Variants in PRAG1 observed in about 807,000 individuals in gnomAD.
The protein encoded by PRAG1 is inactive tyrosine-protein kinase PRAG1.
A neutral mutation model predicts 95.6 loss-of-function variants in PRAG1; 110 were observed. The ratio of observed to expected loss-of-function variants is 1.15; its 90% CI spans 0.99 to 1.35. The LOEUF (loss-of-function observed/expected upper bound fraction) is 1.35. Among genes scored for constraint, PRAG1 ranks in the 40% most tolerant of loss-of-function variants. The probability of loss-of-function intolerance (pLI) is 0.00; values close to 1 mark genes in which losing one functional copy is unlikely to be tolerated. For synonymous variants in PRAG1, 1,052 were observed against 819.4 expected (o/e 1.28, Z -4.85); for missense variants, 2,554 against 1,864.7 (o/e 1.37, Z -6.81).
Position 8,376,878 on chromosome 8 carries a change from C to A in PRAG1, c.1531G>T (p.Glu511Ter), listed in dbSNP as rs760794274. 6.2e-7 allele frequency: 1 copy of A among 1,613,234 alleles called. No homozygotes were observed. Among genetic ancestry groups the A allele is most frequent in the Non-Finnish European group, 8.5e-7 (1 of 1,180,026 alleles). ...WPRGPVSQNSEVGEEETSAGQ... is the reference protein window; with the variant it reads ...WPRGPVSQNS ...GCCGAAGTCTCCTCTTCACCTACCT[C>A]GGAGTTCTGGCTCACAGGCCCTCGT... The change falls in exon 3 of 6, where the codon GAG becomes TAG. Residue 511 changes from glutamate (E) to a stop codon, truncating the protein, a stop_gained. Transcript: ENST00000615670. LOFTEE classifies it high-confidence loss of function.
chr8:8,360,250 C>T (rs1231504069), intron 3 of PRAG1, among the ~76,000 whole-genome samples: 1 of 152,186 alleles, frequency 6.6e-6, no homozygotes, highest in East Asian at 1.9e-4. Context: ...GACCTGGCCT[C>T]CCACATCTGT....
chr8:8,377,721 C>T lies in PRAG1; in HGVS notation c.688G>A (p.Glu230Lys). 2.5e-6 allele frequency: 4 copies of T among 1,613,870 alleles called. No homozygotes were observed. The highest frequency in any genetic ancestry group is 3.4e-6 in the Non-Finnish European group (4 of 1,179,946). Residue 230 changes from glutamate to lysine, a missense_variant, in exon 3 of 6, where the codon GAA becomes AAA. Glu to Lys is a moderately conservative substitution (Grantham distance 56). Coordinates refer to ENST00000615670, the MANE Select transcript of PRAG1 (RefSeq NM_001080826.3). ...GCHQGPGPLR[E>K]SLPSEDDSDQ... is the part of the protein sequence containing the mutation. Reference sequence around the variant, plus strand: ...CTGTCATCCTCCGAGGGCAGGGATTCCCGCAGGGGCCCAGGGCCCTGGTGA... The same window carrying T: ...CTGTCATCCTCCGAGGGCAGGGATTTCCGCAGGGGCCCAGGGCCCTGGTGA...
chr8:8,333,148 A>C (rs1229711361), intron 4 of PRAG1, among the ~76,000 whole-genome samples: 3 of 152,160 alleles, frequency 2.0e-5, no homozygotes, highest in South Asian at 2.1e-4. Context: ...TCTGCCTTAC[A>C]ATTAAGGGTG....
chr8:8,359,872 C>T (rs1420150110), intron 3 of PRAG1, among the ~76,000 whole-genome samples: 1 of 152,194 alleles, frequency 6.6e-6, no homozygotes, highest in Admixed American at 6.5e-5. Flanking sequence ...CCCTTACTAA[C>T]AAATTGGTTC....
rs1800416140 is a variant in PRAG1 at position 8,376,759 on chromosome 8, C to G, written c.1650G>C (p.Lys550Asn). The G allele has an allele frequency of 6.2e-7, 1 of 1,610,338 alleles. No individual in the cohort carries two copies. Among genetic ancestry groups the G allele is most frequent in the Non-Finnish European group, 8.5e-7 (1 of 1,179,978 alleles). Residue 550 changes from lysine (K) to asparagine (N), a missense_variant, in exon 3 of 6, where the codon AAG (lysine) becomes AAC (asparagine). Physicochemically the swap from Lys to Asn is moderately conservative, Grantham distance 94. Coordinates refer to ENST00000615670, the MANE Select transcript of PRAG1 (RefSeq NM_001080826.3). ...ACACCGGGGACCCTACAGGGCTACT[C>G]TTGGACAACTTGGGGGGAATGGCGG... ...ERPAIPPKLSKSSPVGSPVSP... is the reference protein window; with the variant it reads ...ERPAIPPKLSNSSPVGSPVSP...
intron 3 of PRAG1, among the ~76,000 whole-genome samples, chr8:8,368,858 A>G (rs1385634205): frequency 2.6e-5 from 4 of 151,474 alleles, no homozygotes; most frequent in Non-Finnish European, 5.9e-5. Context: ...TGTTTAGATG[A>G]TTACTACCTG....
intron 3 of PRAG1, among the ~76,000 whole-genome samples, chr8:8,354,581 T>C (rs913311414): frequency 6.6e-6 from 1 of 152,198 alleles, no homozygotes; most frequent in Non-Finnish European, 1.5e-5. Context: ...GATTACGTAA[T>C]GTGACCAGTG....
Position 8,386,304 on chromosome 8 carries a change from G to T in PRAG1, c.-88+17C>A, listed in dbSNP as rs1170817132. 6.6e-6 allele frequency: 1 copy of T among 152,214 alleles called. No homozygotes were observed. The highest frequency in any genetic ancestry group is 1.5e-5 in the Non-Finnish European group (1 of 68,040). The allele number at this position is 152,214 out of a possible 1,614,324, so 9.4% of individuals were successfully genotyped here. A position where few individuals can be genotyped will look rare whatever the true frequency, so the allele number is the denominator to read the frequency against. ...GACAAAAAGAGGCCGAATTTGGAGA[G>T]CGCGTCGCGGGCTCACCTCTGGGCT... On this transcript the variant is annotated intron_variant, in intron 1 of 5. Transcript: ENST00000615670.
chr8:8,327,995 G>A lies in PRAG1; in HGVS notation c.2787C>T (p.Ala929=). Residue 929 remains alanine, a synonymous_variant, in exon 5 of 6, where the codon GCC becomes GCT. Coordinates refer to ENST00000615670, the MANE Select transcript of PRAG1 (RefSeq NM_001080826.3). ...GCTGAAGCTGGGTGCTCCCGGTGGA[G>A]GCTTGACTGGACACGCTCAGCTGGG... ...SSSQLSVSSQ[A]STGSTQLQLH... is the part of the protein sequence containing the mutation. 6.3e-7 allele frequency: 1 copy of A among 1,593,624 alleles called. No homozygotes were observed. Among genetic ancestry groups the A allele is most frequent in the South Asian group, 1.1e-5 (1 of 87,618 alleles).
Position 8,381,395 on chromosome 8 carries a change from C to T in PRAG1, c.330+23G>A, listed in dbSNP as rs1168559603. The T allele has an allele frequency of 2.5e-6, 4 of 1,584,392 alleles. No individual in the cohort carries two copies. In the African/African-American group the frequency reaches 4.0e-5, roughly 16 times the overall value. The stretch of plus-strand genomic sequence containing the variant: ...AACAGGAGCAGCCCCTGTAAAAATA[C>T]CACGAGTGTTAGTCAGCCTCACCTG... On this transcript the variant is annotated intron_variant, in intron 2 of 5. Transcript: ENST00000615670.
intron 4 of PRAG1, among the ~76,000 whole-genome samples, chr8:8,333,230 T>C (rs1388449529): frequency 6.6e-6 from 1 of 152,214 alleles, no homozygotes; most frequent in Non-Finnish European, 1.5e-5. Context: ...TTTGTTGGTT[T>C]TTAATAATTT....
intron 3 of PRAG1, among the ~76,000 whole-genome samples, chr8:8,370,171 G>C (rs117107808): frequency 1.4e-3 from 211 of 152,346 alleles, no homozygotes; most frequent in East Asian, 7.7e-3. Flanking sequence ...AGAAGTTGTA[G>C]AACAAGACTC....
intron 4 of PRAG1, among the ~76,000 whole-genome samples, chr8:8,328,869 A>AT (rs763816967): frequency 6.6e-6 from 1 of 152,208 alleles, no homozygotes; most frequent in African/African-American, 2.4e-5. Context: ...TCTTGGAGAG[A>AT]TTTTTAAATC....
At position 8,381,598 on chromosome 8, in the gene PRAG1, T is replaced by C. The variant is rs564059063; in HGVS notation, c.150A>G (p.Arg50=). 32 of 1,614,038 alleles carry C rather than the reference T, an allele frequency of 2.0e-5. No homozygotes were observed. Among genetic ancestry groups the C allele is most frequent in the Non-Finnish European group, 2.5e-5 (29 of 1,179,970 alleles). ...GCGGTGGAGGGGGCAGGCTGCCCGC[T>C]CTGGGCTGGGGAGGGCCGGCCACCA... ...HQLVAGPPQP[R]AGSLPPPPRL... Residue 50 remains arginine, a synonymous_variant, in exon 2 of 6, where the codon AGA becomes AGG. Coordinates refer to ENST00000615670, the MANE Select transcript of PRAG1 (RefSeq NM_001080826.3).
intron 3 of PRAG1, among the ~76,000 whole-genome samples, chr8:8,367,412 C>T (rs1183692797): frequency 3.6e-5 from 4 of 109,630 alleles, no homozygotes; most frequent in Non-Finnish European, 6.7e-5. Flanking sequence ...GAGCTGAGGT[C>T]GTGCCACTGC....
At chr8:8,334,492 G>A (rs7008882) in intron 4 of PRAG1, among the ~76,000 whole-genome samples, 3 of 151,472 alleles carry the variant, frequency 2.0e-5, no homozygotes, top group South Asian at 2.1e-4. Flanking sequence ...GAAGATAAAC[G>A]TGTTCTGAAA....
intron 3 of PRAG1, among the ~76,000 whole-genome samples, chr8:8,352,122 G>C (rs978381925): frequency 6.6e-6 from 1 of 152,144 alleles, no homozygotes; most frequent in Non-Finnish European, 1.5e-5. Context: ...TTTTATACTA[G>C]ACTTCATTTC....
At chr8:8,364,223 G>A (rs1442929387) in intron 3 of PRAG1, among the ~76,000 whole-genome samples, 1 of 152,154 alleles carries the variant, frequency 6.6e-6, no homozygotes, top group Non-Finnish European at 1.5e-5. Flanking sequence ...CAATCTGATG[G>A]ACATAATGTG....
chr8:8,337,799 T>C (rs959636890), intron 4 of PRAG1, among the ~76,000 whole-genome samples: 7 of 152,290 alleles, frequency 4.6e-5, no homozygotes, highest in East Asian at 1.9e-4. Flanking sequence ...ACCTCCAGCA[T>C]TGAACTCACA....
Sources: gnomAD v4.1 joint callset for allele counts (sites outside exome capture counted in the v4.1 genomes callset) on GRCh38, gnomAD v4.1.1 for gene constraint, MANE v1.5 for transcripts, NCBI Gene and HGNC (gene_info 2026-07-23, HGNC 2026-07-21) for gene names.